TMEM114: variants seen among roughly 807,000 people sequenced by gnomAD.
TMEM114 encodes the protein transmembrane protein 114, also known as claudin-26.
Under a neutral mutation model 6.2 loss-of-function variants are expected in TMEM114, and 6 were observed. That is an observed-to-expected ratio of 0.97 (90% confidence interval 0.53 to 1.91). The LOEUF (loss-of-function observed/expected upper bound fraction) is 1.91, where lower values mean the gene tolerates loss of function less well. Among genes scored for constraint, TMEM114 ranks in the 40% most tolerant of loss-of-function variants. The probability of loss-of-function intolerance (pLI) is 0.01; values close to 1 mark genes in which losing one functional copy is unlikely to be tolerated. For missense variants in TMEM114, 218 were observed against 158.3 expected (o/e 1.38, Z -2.02); for synonymous variants, 104 against 73.0 (o/e 1.42, Z -2.16).
intron 2 of TMEM114, among the ~76,000 whole-genome samples, chr16:8,545,536 C>T (rs1900639451): frequency 6.6e-6 from 1 of 152,082 alleles, no homozygotes; most frequent in Non-Finnish European, 1.5e-5. Context: ...TTTTGTGGTC[C>T]TTAAATATTC....
chr16:8,561,802 G>C (rs1462543153), intron 2 of TMEM114, among the ~76,000 whole-genome samples: 1 of 150,802 alleles, frequency 6.6e-6, no homozygotes, highest in Non-Finnish European at 1.5e-5. Context: ...AATAGTGAAT[G>C]AGTGAGTGAA....
At chr16:8,575,163 A>C (rs1901876555) in intron 2 of TMEM114, among the ~76,000 whole-genome samples, 1 of 152,190 alleles carries the variant, frequency 6.6e-6, no homozygotes, top group Non-Finnish European at 1.5e-5. Context: ...AAGACCACTG[A>C]AAAAGAGTCT....
At chr16:8,584,682 G>A (rs895679441) in intron 2 of TMEM114, among the ~76,000 whole-genome samples, 3 of 152,138 alleles carry the variant, frequency 2.0e-5, no homozygotes, top group Non-Finnish European at 4.4e-5. Flanking sequence ...AGCACTTTGG[G>A]AGGCCGAGGC....
downstream of TMEM114, among the ~76,000 whole-genome samples, chr16:8,536,429 T>C (rs1205143041): frequency 6.6e-6 from 1 of 152,142 alleles, no homozygotes; most frequent in East Asian, 1.9e-4. Context: ...GTCTCTAAAA[T>C]GAGAAGGTTG....
chr16:8,557,092 G>T (rs7186781), intron 2 of TMEM114, among the ~76,000 whole-genome samples: 48,259 of 151,950 alleles, frequency 0.32, 7,840 homozygotes, highest in East Asian at 0.37. Context: ...CTTTCTAAAC[G>T]TGGCTCTAGC....
At chr16:8,541,411 C>A (rs1484785179) in intron 2 of TMEM114, among the ~76,000 whole-genome samples, 12 of 151,826 alleles carry the variant, frequency 7.9e-5, no homozygotes, top group Non-Finnish European at 8.8e-5. Context: ...TGGATAATAT[C>A]TCAGGATAAA....
At chr16:8,562,154 AAGTG>A (rs1901252396) in intron 2 of TMEM114, among the ~76,000 whole-genome samples, 1 of 139,180 alleles carries the variant, frequency 7.2e-6, no homozygotes, top group East Asian at 2.4e-4. Context: ...GTTAGTGAAT[AAGTG>A]AGTTAGTGAA....
chr16:8,563,938 C>T (rs1434710650), intron 2 of TMEM114, among the ~76,000 whole-genome samples: 6 of 91,992 alleles, frequency 6.5e-5, no homozygotes, highest in African/African-American at 1.4e-4. Flanking sequence ...AGTGAGTGAA[C>T]GAGTAAGTAA....
chr16:8,527,910 A>ATTTG, the TMEM114 span, among the ~76,000 whole-genome samples: 11 of 151,602 alleles, frequency 7.3e-5, no homozygotes, highest in African/African-American at 2.4e-4. Context: ...TTCTTTTTTT[A>ATTTG]TTTGTTTGTT....
At chr16:8,572,411 G>A (rs1163729591) in intron 2 of TMEM114, 187 bp from the exon 3 acceptor site, 14 of 656,180 alleles carry the variant, frequency 2.1e-5, no homozygotes, top group Non-Finnish European at 3.4e-5. Flanking sequence ...GGCTCATCTC[G>A]TGCAAGGCTG....
chr16:8,573,479 G>C (rs888350176), intron 2 of TMEM114, among the ~76,000 whole-genome samples: 4 of 152,144 alleles, frequency 2.6e-5, no homozygotes, highest in African/African-American at 9.7e-5. Context: ...GGTGAATGGA[G>C]GAGGAGGAAG....
downstream of TMEM114, among the ~76,000 whole-genome samples, chr16:8,533,517 C>T (rs566405732): frequency 2.5e-4 from 38 of 152,288 alleles, no homozygotes; most frequent in African/African-American, 8.2e-4. Context: ...GTATATTATT[C>T]TAAGTGTAAT....
Position 8,557,499 on chromosome 16 carries a change from C to A in TMEM114, n.213-19673G>T, listed in dbSNP as rs143790999. Among the ~76,000 whole-genome samples, 796 of 152,338 alleles carry A rather than the reference C, an allele frequency of 5.2e-3. 3 individuals are homozygous for A. The highest frequency in any genetic ancestry group is 0.018 in the African/African-American group (758 of 41,576). On this transcript the variant is annotated intron_variant and non_coding_transcript_variant, in intron 2 of 2. Transcript: ENST00000623677. ...AAGAGGACAAACCACAATCGCCCAG[C>A]TGAGTCCTTCTGCAATTCCCAACTC...
chr16:8,538,168 G>T (rs536285417), intron 2 of TMEM114, among the ~76,000 whole-genome samples: 5 of 148,552 alleles, frequency 3.4e-5, no homozygotes, highest in African/African-American at 9.9e-5. Flanking sequence ...CGCTGGTCAT[G>T]GTGGTGCCTG....
chr16:8,567,066 A>ATTTTTTT (rs34500863), downstream of TMEM114, among the ~76,000 whole-genome samples: 3 of 144,370 alleles, frequency 2.1e-5, no homozygotes. Flanking sequence ...ACAGCTGGCT[A>ATTTTTTT]TTTTTTTTTT....
intron 2 of TMEM114, among the ~76,000 whole-genome samples, chr16:8,541,610 G>C (rs113913650): frequency 0.016 from 2,473 of 152,144 alleles, 55 homozygotes; most frequent in African/African-American, 0.057. Flanking sequence ...TTGACATTTT[G>C]AAAAATAATT....
downstream of TMEM114, among the ~76,000 whole-genome samples, chr16:8,534,192 C>T (rs548951547): frequency 1.2e-3 from 178 of 152,292 alleles, 1 homozygote; most frequent in South Asian, 8.9e-3. Flanking sequence ...GACAAGGTTT[C>T]GCAGTGTGAT....
At position 8,572,138 on chromosome 16, in the gene TMEM114, G is replaced by C; in HGVS notation, c.388C>G (p.Leu130Val). ...AGCAGGAGGAGGAGGTAGGCTTGGA[G>C]GAGGAAGCTCAGAAACCCCGTCATC... The part of the protein sequence containing the change: ...GGMTGFLSFL[L>V]QAYLLLLLTG... Residue 130 changes from leucine to valine, a missense_variant, in exon 3 of 4, where the codon CTC (leucine) becomes GTC (valine). By Grantham distance (32) the Leu-to-Val change is conservative. Coordinates refer to ENST00000620492, the MANE Select transcript of TMEM114 (RefSeq NM_001146336.2). 6.4e-7 allele frequency: 1 copy of C among 1,551,592 alleles called. No homozygotes were observed. Among genetic ancestry groups the C allele is most frequent in the Non-Finnish European group, 8.7e-7 (1 of 1,146,958 alleles).
Position 8,569,773 on chromosome 16 carries a change from T to C in TMEM114, c.672A>G (p.Ter224TrpextTer58). The C allele has an allele frequency of 6.5e-7, 1 of 1,548,466 alleles. No individual in the cohort carries two copies. The highest frequency in any genetic ancestry group is 1.4e-5 in the African/African-American group (1 of 73,094). ...SLRRRQDQAI[*>W] ...CCCCTCCACGACCCAGCGCCCAGGC[T>C]CATATGGCCTGGTCCTGCCTCCGTC... Residue 224 changes from the stop codon to tryptophan, a stop_lost, in exon 4 of 4, where the codon TGA (stop) becomes TGG (tryptophan). Coordinates refer to ENST00000620492, the MANE Select transcript of TMEM114 (RefSeq NM_001146336.2).
Sources: gnomAD v4.1 joint callset for allele counts (sites outside exome capture counted in the v4.1 genomes callset) on GRCh38, gnomAD v4.1.1 for gene constraint, MANE v1.5 for transcripts, NCBI Gene and HGNC (gene_info 2026-07-23, HGNC 2026-07-21) for gene names.